The following AXIN2 variants were observed in gnomAD, a reference collection of about 807,000 sequenced individuals.
The protein encoded by AXIN2 is axin-2.
AXIN2 carries 21 observed loss-of-function variants against 74.7 expected under a neutral mutation model. The observed-to-expected ratio is 0.28, with a 90% confidence interval of 0.20 to 0.40. The LOEUF is 0.40. Ranked by LOEUF, AXIN2 falls within the 10% of genes least tolerant of loss-of-function variation. The pLI is 1.00. For synonymous variants in AXIN2, 532 were observed against 454.9 expected (o/e 1.17, Z -2.16); for missense variants, 1,144 against 1,111.1 (o/e 1.03, Z -0.42).
chr17:65,557,789 C>T lies in AXIN2; in HGVS notation c.815+17G>A, dbSNP rs2144581557. 5.0e-6 allele frequency: 8 copies of T among 1,613,536 alleles called. No individual in the cohort carries two copies. The highest frequency in any genetic ancestry group is 1.1e-5 in the South Asian group (1 of 91,050). On this transcript the variant is annotated intron_variant, in intron 2 of 10. Coordinates refer to ENST00000307078, the MANE Select transcript of AXIN2 (RefSeq NM_004655.4). ...AAGTCCACAGCATCAGCCCACCCGC[C>T]CCCGTCAAAGTCTTACCTGTATCCA...
Position 65,528,675 on chromosome 17 carries a change from T to C in AXIN2, c.*1301A>G. Reference sequence around the variant, plus strand: ...TATAATGCATAATTTACAGTATAAGTAGAACAAAATGTCATGACAAAAGTC... The same window carrying C: ...TATAATGCATAATTTACAGTATAAGCAGAACAAAATGTCATGACAAAAGTC... On this transcript the variant is annotated 3_prime_UTR_variant, in exon 11 of 11. Coordinates refer to ENST00000307078, the MANE Select transcript of AXIN2 (RefSeq NM_004655.4). 1.9e-6 allele frequency: 1 copy of C among 516,704 alleles called. No individual in the cohort carries two copies. Among genetic ancestry groups the C allele is most frequent in the South Asian group, 1.6e-5 (1 of 61,850 alleles). The allele number at this position is 516,704 out of a possible 1,614,324, so 32.0% of individuals were successfully genotyped here.
At chr17:65,540,749 C>T (rs60504505) in intron 4 of AXIN2, among the ~76,000 whole-genome samples, 22,361 of 152,104 alleles carry the variant, frequency 0.15, 1,894 homozygotes, top group African/African-American at 0.24. Flanking sequence ...CTGTTTCTCC[C>T]GCTATGTTAC....
At position 65,537,447 on chromosome 17, in the gene AXIN2, T is replaced by G. The variant is rs753046140; in HGVS notation, c.1589A>C (p.Glu530Ala). ...CCGCTGCGTGGCCTCCGCCTCGATC[T>G]CCTCCTTGGTCTTGGGGACGGCATG... is the stretch of plus-strand genomic sequence containing the variant. ...HHHAVPKTKE[E>A]IEAEATQRVH... Residue 530 changes from glutamate to alanine, a missense_variant, in exon 6 of 11, where the codon GAG (glutamate) becomes GCG (alanine). By Grantham distance (107) the Glu-to-Ala change is moderately radical (BLOSUM62 -1). Around this residue, in one of 4 missense-constraint regions of AXIN2, gnomAD observed 1,053 missense variants for 973.5 expected, o/e 1.08. Transcript: ENST00000307078. 1 of 1,613,914 alleles carries G rather than the reference T, an allele frequency of 6.2e-7. No homozygotes were observed. The highest frequency in any genetic ancestry group is 8.5e-7 in the Non-Finnish European group (1 of 1,179,994).
chr17:65,549,595 G>A lies in AXIN2; in HGVS notation c.881C>T (p.Ala294Val), dbSNP rs2144538987. ...TATCTCACTGTCGTTGGCGCTGGTG[G>A]CTGGTGCAAAGACATAGCCAGAACC... The part of the protein sequence containing the change: ...HIGSGYVFAP[A>V]TSANDSEISS... Residue 294 changes from alanine (A) to valine (V), a missense_variant, in exon 3 of 11, where the codon GCC becomes GTC. By Grantham distance (64) the Ala-to-Val change is moderately conservative. Transcript: ENST00000307078. 1 of 1,607,428 alleles carries A rather than the reference G, an allele frequency of 6.2e-7. No homozygotes were observed. The highest frequency in any genetic ancestry group is 8.5e-7 in the Non-Finnish European group (1 of 1,176,844).
intron 10 of AXIN2, 104 bp downstream of exon 10, chr17:65,533,808 C>A: frequency 2.2e-6 from 2 of 901,298 alleles, no homozygotes; most frequent in Admixed American, 2.1e-5. Flanking sequence ...CCCCCTCCCA[C>A]CCTGCCCCAC....
chr17:65,559,410 A>G (rs1393115089), intron 1 of AXIN2: 1 of 151,356 alleles, frequency 6.6e-6, no homozygotes, highest in African/African-American at 2.4e-5. Flanking sequence ...CCCCTCCCCA[A>G]CTCAGATTTG....
intron 2 of AXIN2, among the ~76,000 whole-genome samples, chr17:65,553,827 T>C (rs1316782141): frequency 1.8e-5 from 2 of 109,204 alleles, no homozygotes; most frequent in African/African-American, 3.5e-5. Context: ...TGTTTTCTTG[T>C]GATTACTTAA....
chr17:65,536,437 C>T lies in AXIN2; in HGVS notation c.2024G>A (p.Arg675His), dbSNP rs730881401. 5.6e-6 allele frequency: 9 copies of T among 1,601,284 alleles called. No individual in the cohort carries two copies. The highest frequency in any genetic ancestry group is 7.6e-6 in the Non-Finnish European group (9 of 1,179,614). Reference protein sequence around the residue: ...GNSGHPRTTPRAHLFTQDPAM... With the variant: ...GNSGHPRTTPHAHLFTQDPAM... Reference sequence around the variant, plus strand: ...AGGGTCCTGGGTGAACAGGTGGGCACGGGGGGTGGTGCGGGGGTGCCCGCT... The same window carrying T: ...AGGGTCCTGGGTGAACAGGTGGGCATGGGGGGTGGTGCGGGGGTGCCCGCT... Residue 675 changes from arginine (R) to histidine (H), a missense_variant, in exon 8 of 11, where the codon CGT becomes CAT. By Grantham distance (29) the Arg-to-His change is conservative (BLOSUM62 0). This residue lies in a region of AXIN2 where 1,053 missense variants were observed against 973.5 expected (regional missense o/e 1.08). Transcript: ENST00000307078.
In AXIN2 at chr17:65,528,737, A is replaced by G; in HGVS notation, c.*1239T>C. 2.0e-6 allele frequency: 1 copy of G among 502,548 alleles called. No homozygotes were observed. The highest frequency in any genetic ancestry group is 3.7e-6 in the Non-Finnish European group (1 of 268,476). 31.1% of individuals were successfully genotyped at this position (502,548 alleles called of 1,614,324 possible). A position where few individuals can be genotyped will look rare whatever the true frequency, so the allele number is the denominator to read the frequency against. ...GACTTGTAATAAAAAGGCATAAAATATATTTATACATAAACCCCTTTCAAA... is the reference window on the plus strand; with the variant it reads ...GACTTGTAATAAAAAGGCATAAAATGTATTTATACATAAACCCCTTTCAAA... On this transcript the variant is annotated 3_prime_UTR_variant, in exon 11 of 11. Coordinates refer to ENST00000307078, the MANE Select transcript of AXIN2 (RefSeq NM_004655.4).
intron 2 of AXIN2, among the ~76,000 whole-genome samples, chr17:65,555,223 CTGA>C (rs2044250234): frequency 6.6e-6 from 1 of 152,338 alleles, no homozygotes; most frequent in Admixed American, 6.5e-5. Flanking sequence ...TCCTCAGCAG[CTGA>C]TGAAGAAAGA....
chr17:65,533,895 A>C lies in AXIN2; in HGVS notation c.2405+17T>G. ...AGCAAACAAACTGAGAGCAGAAAAA[A>C]GCCACAGGACTCTTACCTATAATTT... On this transcript the variant is annotated intron_variant, in intron 10 of 10. Transcript: ENST00000307078. 1 of 1,613,188 alleles carries C rather than the reference A, an allele frequency of 6.2e-7. No homozygotes were observed. The highest frequency in any genetic ancestry group is 1.7e-5 in the Admixed American group (1 of 59,976).
At chr17:65,541,616 A>G (rs968980685) in intron 3 of AXIN2, 59 bp from the exon 4 acceptor site, 3 of 1,388,768 alleles carry the variant, frequency 2.2e-6, no homozygotes, top group East Asian at 2.3e-5. Context: ...AGCACATCAC[A>G]TGGGCTACTG....
chr17:65,549,618 A>C lies in AXIN2; in HGVS notation c.858T>G (p.Gly286=), dbSNP rs1167280326. 6.2e-7 allele frequency: 1 copy of C among 1,605,674 alleles called. No homozygotes were observed. Among genetic ancestry groups the C allele is most frequent in the Non-Finnish European group, 8.5e-7 (1 of 1,175,896 alleles). The change falls in exon 3 of 11, where the codon GGT becomes GGG. Residue 286 remains glycine (G), a synonymous_variant. Coordinates refer to ENST00000307078, the MANE Select transcript of AXIN2 (RefSeq NM_004655.4). Reference sequence around the variant, plus strand: ...TGGCTGGTGCAAAGACATAGCCAGAACCTATGTGATAAGGATTAACAGGAT... The same window carrying C: ...TGGCTGGTGCAAAGACATAGCCAGACCCTATGTGATAAGGATTAACAGGAT... ...RSDPVNPYHI[G]SGYVFAPATS...
chr17:65,533,827 G>T, intron 10 of AXIN2, 85 bp downstream of exon 10: 24 of 768,342 alleles, frequency 3.1e-5, no homozygotes, highest in East Asian at 5.4e-5. Flanking sequence ...ACCTAGGTCT[G>T]CTCAGCCAGG....
At position 65,537,834 on chromosome 17, in the gene AXIN2, T is replaced by A. The variant is rs772221969; in HGVS notation, c.1202A>T (p.Asp401Val). ...GAGCTCGGAGCCCTCTCTCTCTTCA[T>A]CCTGAAAGGGAAGACGTCAGAAGGA... Reference protein sequence around the residue: ...LEERLQQIREDEEREGSELTL... With the variant: ...LEERLQQIREVEEREGSELTL... The change falls in exon 6 of 11, where the codon GAT becomes GTT. Residue 401 changes from aspartate to valine, a missense_variant and splice_region_variant. Around this residue, in one of 4 missense-constraint regions of AXIN2, gnomAD observed 1,053 missense variants for 973.5 expected, o/e 1.08. Transcript: ENST00000307078. 1 of 1,550,640 alleles carries A rather than the reference T, an allele frequency of 6.4e-7. No homozygotes were observed. The highest frequency in any genetic ancestry group is 1.4e-5 in the African/African-American group (1 of 73,170).
intron 1 of AXIN2, chr17:65,560,246 G>A (rs1199701291): frequency 2.6e-5 from 4 of 152,352 alleles, no homozygotes; most frequent in East Asian, 1.9e-4. Flanking sequence ...CCACGGGCGA[G>A]GGGCCCGGGC....
intron 5 of AXIN2, 31 bp downstream of exon 5, chr17:65,538,172 G>C: frequency 2.5e-6 from 4 of 1,613,928 alleles, no homozygotes; most frequent in South Asian, 1.1e-5. Flanking sequence ...CGCCGTGGAC[G>C]GAAGCAGGAA....
intron 1 of AXIN2, chr17:65,559,872 T>C (rs970140400): frequency 6.6e-6 from 1 of 152,222 alleles, no homozygotes; most frequent in Non-Finnish European, 1.5e-5. Flanking sequence ...GCCGCGGGGC[T>C]GGGCGGCGCG....
chr17:65,536,475 C>A lies in AXIN2; in HGVS notation c.1986G>T (p.Leu662=), dbSNP rs1057520705. The change falls in exon 8 of 11, where the codon CTG becomes CTT. Residue 662 remains leucine (L), a synonymous_variant. Transcript: ENST00000307078. ...GGGGGTGCCCGCTGTTGCCCCCCCA[C>A]AGATGGTGCCGGCTGGCTCGTTCGC... ...SPGERASRHH[L]WGGNSGHPRT... is the part of the protein sequence containing the mutation. The A allele has an allele frequency of 6.2e-7, 1 of 1,613,906 alleles. No homozygotes were observed. Among genetic ancestry groups the A allele is most frequent in the Non-Finnish European group, 8.5e-7 (1 of 1,180,016 alleles).
Sources: allele counts gnomAD v4.1 joint callset (sites outside exome capture counted in the v4.1 genomes callset), GRCh38; gene constraint gnomAD v4.1.1; regional missense constraint gnomAD v4.1.1; transcripts MANE v1.5; gene names NCBI Gene and HGNC (gene_info 2026-07-23, HGNC 2026-07-21).